Variants in SASH1 observed in about 807,000 individuals in gnomAD.
The protein encoded by SASH1 is SAM and SH3 domain containing 1.
SASH1 carries 44 observed loss-of-function variants against 125.2 expected under a neutral mutation model. The observed-to-expected ratio is 0.35, with a 90% CI of 0.28 to 0.45. The LOEUF is 0.45. Among genes scored for constraint, SASH1 ranks in the 20% least tolerant of loss-of-function variants. The pLI, the probability that SASH1 is intolerant of heterozygous loss-of-function variation, is 1.00. For synonymous variants in SASH1, 639 were observed against 649.1 expected (o/e 0.98, Z 0.24); for missense variants, 1,426 against 1,614.5 (o/e 0.88, Z 2.00).
intron 1 of SASH1, among the ~76,000 whole-genome samples, chr6:148,313,708 C>T (rs1780398818): frequency 6.6e-6 from 1 of 152,084 alleles, no homozygotes; most frequent in South Asian, 2.1e-4. Context: ...ACAGGGGCCT[C>T]GGTGGCTGTG....
At chr6:148,217,846 T>TAA in the SASH1 span, among the ~76,000 whole-genome samples, 686 of 123,344 alleles carry the variant, frequency 5.6e-3, 4 homozygotes, top group Middle Eastern at 0.02. Flanking sequence ...ATCCCATCTC[T>TAA]AAAAAAAAAA....
At chr6:148,351,102 G>A (rs1173008483) in intron 1 of SASH1, among the ~76,000 whole-genome samples, 3 of 151,620 alleles carry the variant, frequency 2.0e-5, no homozygotes, top group African/African-American at 4.8e-5. Flanking sequence ...TCTCCATCCT[G>A]GAGACTGGGT....
chr6:148,535,222 C>T (rs1006665035), intron 16 of SASH1, among the ~76,000 whole-genome samples: 5 of 152,198 alleles, frequency 3.3e-5, no homozygotes, highest in Admixed American at 6.5e-5. Flanking sequence ...CCTCCTGTGC[C>T]GCCGCCACCT....
At chr6:148,413,488 G>C (rs986767918) in intron 2 of SASH1, among the ~76,000 whole-genome samples, 4 of 152,086 alleles carry the variant, frequency 2.6e-5, no homozygotes, top group Non-Finnish European at 5.9e-5. Flanking sequence ...GAGAATGTGC[G>C]GGAAAGATCA....
chr6:148,338,314 C>T (rs1781222605), upstream of SASH1, among the ~76,000 whole-genome samples: 1 of 151,528 alleles, frequency 6.6e-6, no homozygotes, highest in African/African-American at 2.4e-5. Flanking sequence ...GTAATCCTAG[C>T]TACTGGGGAG....
the SASH1 span, among the ~76,000 whole-genome samples, chr6:148,246,722 G>A: frequency 7.9e-5 from 12 of 152,330 alleles, no homozygotes; most frequent in Non-Finnish European, 1.6e-4. Context: ...ACAGCTGAAA[G>A]ATCTTCAGCC....
chr6:148,346,265 G>A (rs1380847382), intron 1 of SASH1, among the ~76,000 whole-genome samples: 1 of 152,144 alleles, frequency 6.6e-6, no homozygotes. Context: ...ATACAGGATG[G>A]TTGTTTGAGT....
intron 1 of SASH1, among the ~76,000 whole-genome samples, chr6:148,368,938 C>T (rs1458238723): frequency 6.6e-6 from 1 of 152,178 alleles, no homozygotes; most frequent in African/African-American, 2.4e-5. Context: ...TCAAGGCATT[C>T]ATATGATGTG....
intron 4 of SASH1, among the ~76,000 whole-genome samples, chr6:148,452,660 C>T (rs1212100548): frequency 1.3e-5 from 2 of 152,012 alleles, no homozygotes; most frequent in Non-Finnish European, 2.9e-5. Context: ...ATGCCCAGCA[C>T]ACTGCCTGGC....
At chr6:148,243,476 A>ATAATAG in the SASH1 span, among the ~76,000 whole-genome samples, 4 of 144,546 alleles carry the variant, frequency 2.8e-5, no homozygotes, top group South Asian at 8.8e-4. Context: ...AATAATAATA[A>ATAATAG]TAATAGTAAA....
At chr6:148,368,770 GCACA>G (rs377455429) in intron 1 of SASH1, among the ~76,000 whole-genome samples, 12 of 135,644 alleles carry the variant, frequency 8.8e-5, no homozygotes, top group African/African-American at 3.2e-4. Flanking sequence ...GCACGCGCGC[GCACA>G]CACACACACA....
chr6:148,383,975 G>A (rs545812914), intron 1 of SASH1, among the ~76,000 whole-genome samples: 1 of 152,218 alleles, frequency 6.6e-6, no homozygotes, highest in South Asian at 2.1e-4. Context: ...TGGCTTTGGG[G>A]GAAGATTATA....
chr6:148,546,191 A>G (rs1782555793), intron 19 of SASH1, 45 bp downstream of exon 19: 1 of 1,602,012 alleles, frequency 6.2e-7, no homozygotes, highest in African/African-American at 1.3e-5. Context: ...ACATTTAGTG[A>G]TCACGCTTAG....
At chr6:148,455,848 GGTT>G (rs1333547416) in intron 4 of SASH1, among the ~76,000 whole-genome samples, 1 of 152,176 alleles carries the variant, frequency 6.6e-6, no homozygotes, top group Non-Finnish European at 1.5e-5. Context: ...GGTCTGGAGG[GGTT>G]GTTGGTCACT....
chr6:148,244,597 C>T, the SASH1 span, among the ~76,000 whole-genome samples: 343 of 152,238 alleles, frequency 2.3e-3, 4 homozygotes, highest in African/African-American at 7.9e-3. Context: ...CATTGTAGGC[C>T]TCCGTTTCTT....
the SASH1 span, among the ~76,000 whole-genome samples, chr6:148,262,536 A>C: frequency 8.4e-4 from 128 of 152,292 alleles, no homozygotes; most frequent in African/African-American, 3.0e-3. Context: ...TTTACAAAAA[A>C]TCTGGCTTCA....
intron 19 of SASH1, 100 bp downstream of exon 19, chr6:148,546,246 G>C: frequency 2.2e-6 from 3 of 1,387,430 alleles, no homozygotes; most frequent in Non-Finnish European, 2.9e-6. Context: ...GGCTTGCGTA[G>C]CTATGGAAAG....
At chr6:148,275,961 T>A (rs1397634419) in intron 1 of SASH1, among the ~76,000 whole-genome samples, 2 of 152,188 alleles carry the variant, frequency 1.3e-5, no homozygotes, top group African/African-American at 2.4e-5. Flanking sequence ...TCTTAAGCAA[T>A]CCTCCTGCCT....
chr6:148,338,383 CGCCACT>C (rs1197908465), upstream of SASH1, among the ~76,000 whole-genome samples: 4 of 150,206 alleles, frequency 2.7e-5, no homozygotes, highest in South Asian at 6.3e-4. Context: ...GCCAAGATCA[CGCCACT>C]GCACTACATC....
Sources: gnomAD v4.1 joint callset for allele counts (sites outside exome capture counted in the v4.1 genomes callset) on GRCh38, gnomAD v4.1.1 for gene constraint, MANE v1.5 for transcripts, NCBI Gene and HGNC (gene_info 2026-07-23, HGNC 2026-07-21) for gene names.